ERBB4: variants seen among roughly 807,000 people sequenced by gnomAD.
ERBB4 encodes receptor tyrosine-protein kinase erbB-4.
ERBB4 carries 42 observed loss-of-function variants against 158.0 expected under a neutral mutation model. That is an observed-to-expected ratio of 0.27 (90% CI 0.21 to 0.34). The LOEUF (loss-of-function observed/expected upper bound fraction) is 0.34, where lower values mean the gene tolerates loss of function less well. Among genes scored for constraint, ERBB4 ranks in the 10% least tolerant of loss-of-function variants. ERBB4 has a pLI of 1.00. For synonymous variants in ERBB4, 583 were observed against 558.7 expected, an observed-to-expected ratio of 1.04 and a Z score of -0.61; for missense variants, 1,333 against 1,624.1, an observed-to-expected ratio of 0.82 and a Z score of 3.08.
intron 8 of ERBB4, 74 bp downstream of exon 8, chr2:211,713,461 G>T: frequency 1.1e-6 from 1 of 879,396 alleles, no homozygotes; most frequent in Non-Finnish European, 1.9e-6. Context: ...TAAAAAGTTG[G>T]TCTACTTAAA....
At chr2:211,922,708 G>A (rs1469246371) in intron 3 of ERBB4, among the ~76,000 whole-genome samples, 2 of 152,074 alleles carry the variant, frequency 1.3e-5, no homozygotes, top group Non-Finnish European at 2.9e-5. Context: ...TTACGAGGAG[G>A]TAGAATGTGA....
At chr2:212,121,414 T>C (rs1208744780) in intron 2 of ERBB4, among the ~76,000 whole-genome samples, 9 of 152,172 alleles carry the variant, frequency 5.9e-5, no homozygotes, top group Admixed American at 4.6e-4. Context: ...GGTTTCACTA[T>C]GTTGGCCAGG....
intron 1 of ERBB4, among the ~76,000 whole-genome samples, chr2:212,196,444 G>A (rs1308270313): frequency 6.6e-6 from 1 of 151,858 alleles, no homozygotes; most frequent in Non-Finnish European, 1.5e-5. Context: ...GAGGTGAAAG[G>A]GGAGGCAGGA....
intron 20 of ERBB4, among the ~76,000 whole-genome samples, chr2:211,482,127 G>C (rs916312905): frequency 2.0e-5 from 3 of 152,158 alleles, no homozygotes; most frequent in Admixed American, 1.3e-4. Context: ...ATAGAATAGG[G>C]AACTGTATAA....
rs1411850007 is a variant in ERBB4, at chr2:211,382,553, C to T, written c.*1062G>A. On this transcript the variant is annotated 3_prime_UTR_variant, in exon 28 of 28. Transcript: ENST00000342788. ...AAGTGCAAACTACATTTCTGAGTAT[C>T]TGCCAGGTAGACATACCCAATCCAG... is the stretch of plus-strand genomic sequence containing the variant. 4 of 232,914 alleles carry T rather than the reference C, an allele frequency of 1.7e-5. No homozygotes were observed. The highest frequency in any genetic ancestry group is 3.4e-5 in the Non-Finnish European group (4 of 117,716). The allele number at this position is 232,914 out of a possible 1,614,324, so 14.4% of individuals were successfully genotyped here. A position where few individuals can be genotyped will look rare whatever the true frequency, so the allele number is the denominator to read the frequency against.
At position 211,411,339 on chromosome 2, in the gene ERBB4, A is replaced by AAATT. The variant is rs552395322; in HGVS notation, c.3135+9098_3135+9101dup. 7.6e-3 allele frequency among the ~76,000 whole-genome samples: 1,158 copies of AAATT among 152,368 alleles called. 12 individuals carry two copies. Among genetic ancestry groups the AAATT allele is most frequent in the Admixed American group, 0.014 (220 of 15,302 alleles). ...GTCCCTTGATATTTTTGTTATATAT[A>AAATT]AATTAAGTATTTGAAAGGTTTCTCA... On this transcript the variant is annotated intron_variant, in intron 25 of 27. Transcript: ENST00000342788.
chr2:211,777,595 G>C (rs545044881), intron 4 of ERBB4: 7 of 151,912 alleles, frequency 4.6e-5, no homozygotes, highest in Non-Finnish European at 1.0e-4. Flanking sequence ...CCCATTACAG[G>C]GTTCCTGCCT....
intron 2 of ERBB4, among the ~76,000 whole-genome samples, chr2:212,062,644 A>G (rs66982045): frequency 0.19 from 28,631 of 151,936 alleles, 3,586 homozygotes; most frequent in Non-Finnish European, 0.28. Flanking sequence ...TGATCTCATG[A>G]TCTGCCCGCC....
intron 1 of ERBB4, among the ~76,000 whole-genome samples, chr2:212,355,968 ACTGACG>A (rs1255161184): frequency 4.6e-5 from 7 of 151,970 alleles, no homozygotes; most frequent in Admixed American, 1.3e-4. Context: ...GCTCAGTCCC[ACTGACG>A]CTAAGGAAAA....
intron 2 of ERBB4, among the ~76,000 whole-genome samples, chr2:212,035,801 G>T (rs2125359392): frequency 6.6e-6 from 1 of 152,284 alleles, no homozygotes; most frequent in East Asian, 1.9e-4. Context: ...AAGAATAAGT[G>T]AATGGATAGG....
At chr2:211,919,740 G>T (rs1379893237) in intron 3 of ERBB4, among the ~76,000 whole-genome samples, 3 of 151,978 alleles carry the variant, frequency 2.0e-5, no homozygotes, top group Non-Finnish European at 1.5e-5. Flanking sequence ...GAAGTTAGAA[G>T]TTGTTTATGC....
chr2:211,722,047 G>A (rs1259842217), intron 7 of ERBB4, among the ~76,000 whole-genome samples: 1 of 152,098 alleles, frequency 6.6e-6, no homozygotes, highest in Admixed American at 6.5e-5. Flanking sequence ...ATTTTCTGTA[G>A]AGACGGGGTT....
intron 19 of ERBB4, among the ~76,000 whole-genome samples, chr2:211,616,297 G>A (rs2069387602): frequency 6.6e-6 from 1 of 152,050 alleles, no homozygotes; most frequent in Non-Finnish European, 1.5e-5. Context: ...TACAACGGCA[G>A]CTAGCTTTAT....
At chr2:211,396,860 C>G (rs2062930152) in intron 25 of ERBB4, among the ~76,000 whole-genome samples, 1 of 152,132 alleles carries the variant, frequency 6.6e-6, no homozygotes, top group Admixed American at 6.6e-5. Flanking sequence ...GTTTATTCAT[C>G]CAACTACTGC....
intron 20 of ERBB4, among the ~76,000 whole-genome samples, chr2:211,553,711 A>G (rs1220280048): frequency 4.6e-5 from 7 of 152,204 alleles, no homozygotes; most frequent in Non-Finnish European, 1.0e-4. Context: ...AAGAGCACAG[A>G]GAGATTAACT....
chr2:211,387,001 T>C lies in ERBB4; in HGVS notation c.3333A>G (p.Leu1111=), dbSNP rs1574386963. The part of the protein sequence containing the change: ...IFDDSCCNGT[L]RKPVAPHVQE... ...GGACATGGGGTGCCACTGGCTTGCG[T>C]AGGGTGCCATTACAGCAGGAGTCAT... The change falls in exon 27 of 28, where the codon CTA becomes CTG. Residue 1111 remains leucine (L), a synonymous_variant. Transcript: ENST00000342788. 1.2e-6 allele frequency: 2 copies of C among 1,614,100 alleles called. No homozygotes were observed. Among genetic ancestry groups the C allele is most frequent in the Non-Finnish European group, 1.7e-6 (2 of 1,180,014 alleles).
At chr2:212,052,850 A>G (rs968403346) in intron 2 of ERBB4, among the ~76,000 whole-genome samples, 3 of 152,322 alleles carry the variant, frequency 2.0e-5, no homozygotes, top group Non-Finnish European at 4.4e-5. Flanking sequence ...CCCCAATTTT[A>G]GTTGCTCAGA....
At chr2:211,673,687 A>T (rs564231057) in intron 13 of ERBB4, among the ~76,000 whole-genome samples, 6 of 152,156 alleles carry the variant, frequency 3.9e-5, no homozygotes, top group African/African-American at 1.4e-4. Flanking sequence ...TTGCTAAGTT[A>T]CATGAATGTT....
chr2:212,048,521 A>G (rs1241884263), intron 2 of ERBB4, among the ~76,000 whole-genome samples: 1 of 152,184 alleles, frequency 6.6e-6, no homozygotes, highest in Non-Finnish European at 1.5e-5. Flanking sequence ...AAAAGAGAAA[A>G]AGGAAAATCG....
Sources: gnomAD v4.1 joint callset for allele counts (sites outside exome capture counted in the v4.1 genomes callset) on GRCh38, gnomAD v4.1.1 for gene constraint, MANE v1.5 for transcripts, NCBI Gene and HGNC (gene_info 2026-07-23, HGNC 2026-07-21) for gene names.